The following IP6K2 variants were observed in gnomAD, a reference collection of about 807,000 sequenced individuals.
IP6K2 encodes the protein ATP:1D-myo-inositol-hexakisphosphate phosphotransferase.
Under a neutral mutation model 43.3 loss-of-function variants are expected in IP6K2, and 9 were observed. That is an observed-to-expected ratio of 0.21 (90% confidence interval 0.13 to 0.36). The LOEUF (loss-of-function observed/expected upper bound fraction) is 0.36. Ranked by LOEUF, IP6K2 falls within the 10% of genes least tolerant of loss-of-function variation. IP6K2 has a pLI of 1.00. For synonymous variants in IP6K2, 209 were observed against 202.4 expected (o/e 1.03, Z -0.28); for missense variants, 332 against 538.4 (o/e 0.62, Z 3.79).
At position 48,688,288 on chromosome 3, in the gene IP6K2, CTCACT is replaced by C. The variant is rs2077503477; in HGVS notation, c.1261_1265del (p.Ser421GlyfsTer49). 1.2e-6 allele frequency: 2 copies of C among 1,613,882 alleles called. No homozygotes were observed. Among genetic ancestry groups the C allele is most frequent in the Non-Finnish European group, 1.7e-6 (2 of 1,179,736 alleles). On this transcript the variant is annotated frameshift_variant, in exon 6 of 6. Transcript: ENST00000328631. LOFTEE classifies it high-confidence loss of function. This position sits in a 1 kb window ranked among gnomAD's most constrained non-coding sequence, Gnocchi z 5.1. ...GCTAGCAAGCTCACTCCCCACTCTC[CTCACT>C]TATCTCTGTGACAATGTCTATCAGG...
chr3:48,691,897 G>A (rs1372050701), intron 3 of IP6K2, among the ~76,000 whole-genome samples: 4 of 151,882 alleles, frequency 2.6e-5, no homozygotes, highest in African/African-American at 4.8e-5. Flanking sequence ...TATTGCCCAG[G>A]TGCAATGGTG....
chr3:48,699,859 G>C (rs769778827), intron 1 of IP6K2: 3 of 152,074 alleles, frequency 2.0e-5, no homozygotes, highest in Non-Finnish European at 2.9e-5. Flanking sequence ...GTTAGTGAGT[G>C]GTAACTAGTA....
chr3:48,698,308 T>A (rs930943273), intron 1 of IP6K2, among the ~76,000 whole-genome samples: 9 of 152,192 alleles, frequency 5.9e-5, no homozygotes, highest in African/African-American at 2.2e-4. Context: ...ACCATAATTA[T>A]GAATTGTTAA....
intron 1 of IP6K2, among the ~76,000 whole-genome samples, chr3:48,711,008 A>G (rs920353289): frequency 7.2e-5 from 11 of 152,094 alleles, no homozygotes; most frequent in African/African-American, 2.7e-4. Flanking sequence ...TCCTGGGTTC[A>G]AGTAATTCTC....
intron 4 of IP6K2, 96 bp from the exon 5 acceptor site, chr3:48,689,809 A>C: frequency 9.5e-7 from 1 of 1,048,272 alleles, no homozygotes; most frequent in Middle Eastern, 2.4e-4. Context: ...GACCCAGAGA[A>C]GCCTGAACCC....
Position 48,691,463 on chromosome 3 carries a change from ATTC to A in IP6K2, c.445_447del (p.Glu149del), listed in dbSNP as rs753889349. 3.7e-6 allele frequency: 6 copies of A among 1,610,636 alleles called. No homozygotes were observed. Among genetic ancestry groups the A allele is most frequent in the Admixed American group, 1.7e-5 (1 of 59,466 alleles). On this transcript the variant is annotated inframe_deletion, in exon 4 of 6. Transcript: ENST00000328631. Reference sequence around the variant, plus strand: ...ACTTCAGATTTCTTTAGCCACTCAAATTCTTCTTCTAACTTATGGCTATAAAGA... The same window carrying A: ...ACTTCAGATTTCTTTAGCCACTCAAATTCTTCTAACTTATGGCTATAAAGA...
At chr3:48,694,415 C>T in intron 2 of IP6K2, 2 of 1,546,700 alleles carry the variant, frequency 1.3e-6, no homozygotes, top group Non-Finnish European at 1.7e-6. Flanking sequence ...TTTATGTAAC[C>T]AGGTAATGCA....
chr3:48,715,198 AAG>A, intron 1 of IP6K2: 2 of 1,033,466 alleles, frequency 1.9e-6, no homozygotes, highest in Non-Finnish European at 2.9e-6. Context: ...TCTAATGTAT[AAG>A]AGTGTGTTCA....
rs199770977 is a variant in IP6K2 at position 48,688,708 on chromosome 3, C to G, written c.846G>C (p.Val282=). ...GGAAAAGTGCCTCCTTGAAGCCCTG[C>G]ACCGATAGCTTCCGTCCATGGTACT... The part of the protein sequence containing the change: ...MNKYHGRKLS[V]QGFKEALFQF... The change falls in exon 6 of 6, where the codon GTG becomes GTC. Residue 282 remains valine (V), a synonymous_variant. Coordinates refer to ENST00000328631, the MANE Select transcript of IP6K2 (RefSeq NM_016291.4). This position sits in a 1 kb window ranked among gnomAD's most constrained non-coding sequence, Gnocchi z 5.1. 8.7e-6 allele frequency: 14 copies of G among 1,614,064 alleles called. No homozygotes were observed. The highest frequency in any genetic ancestry group is 1.2e-5 in the Non-Finnish European group (14 of 1,180,016).
chr3:48,688,840 TG>T lies in IP6K2; in HGVS notation c.781-68del. The T allele has an allele frequency of 6.6e-7, 1 of 1,517,368 alleles. No homozygotes were observed. 94.0% of individuals were successfully genotyped at this position (1,517,368 alleles called of 1,614,324 possible). A position where few individuals can be genotyped will look rare whatever the true frequency, so the allele number is the denominator to read the frequency against. The stretch of plus-strand genomic sequence containing the variant: ...TCAAACCCTGGACCCCGGGCGGGGG[TG>T]GGGTGGTGTGGTGGTGGCGGCATGT... On this transcript the variant is annotated intron_variant, in intron 5 of 5. Coordinates refer to ENST00000328631, the MANE Select transcript of IP6K2 (RefSeq NM_016291.4). The surrounding 1 kb of genome is among the most constrained non-coding windows in gnomAD (Gnocchi z 5.1).
Position 48,688,849 on chromosome 3 carries a change from G to T in IP6K2, c.781-76C>A. The T allele has an allele frequency of 2.7e-6, 4 of 1,496,548 alleles. No homozygotes were observed. Among genetic ancestry groups the T allele is most frequent in the South Asian group, 2.6e-5 (2 of 77,916 alleles). 92.7% of individuals were successfully genotyped at this position (1,496,548 alleles called of 1,614,324 possible). A position where few individuals can be genotyped will look rare whatever the true frequency, so the allele number is the denominator to read the frequency against. On this transcript the variant is annotated intron_variant, in intron 5 of 5. Transcript: ENST00000328631. The surrounding 1 kb of genome is among the most constrained non-coding windows in gnomAD (Gnocchi z 5.1). Reference sequence around the variant, plus strand: ...GGACCCCGGGCGGGGGTGGGGTGGTGTGGTGGTGGCGGCATGTGACAGCCC... The same window carrying T: ...GGACCCCGGGCGGGGGTGGGGTGGTTTGGTGGTGGCGGCATGTGACAGCCC...
chr3:48,707,630 G>T (rs946424621), intron 1 of IP6K2, among the ~76,000 whole-genome samples: 4 of 152,024 alleles, frequency 2.6e-5, no homozygotes, highest in Admixed American at 6.6e-5. Context: ...TAAAGACAGC[G>T]TTTTTCCATG....
chr3:48,709,620 C>T (rs1253708609), intron 1 of IP6K2, among the ~76,000 whole-genome samples: 1 of 152,118 alleles, frequency 6.6e-6, no homozygotes, highest in African/African-American at 2.4e-5. Flanking sequence ...AGGCAGATCA[C>T]GAGGTCAGGA....
Position 48,691,332 on chromosome 3 carries a change from C to G in IP6K2, c.579G>C (p.Glu193Asp), listed in dbSNP as rs374761631. The change falls in exon 4 of 6, where the codon GAG becomes GAC. Residue 193 changes from glutamate (E) to aspartate (D), a missense_variant. Physicochemically the swap from Glu to Asp is conservative, Grantham distance 45. Coordinates refer to ENST00000328631, the MANE Select transcript of IP6K2 (RefSeq NM_016291.4). ...TGTACTGGTTCCGATGCTTTGCATT[C>G]TCCTTCATTCTCTGTAACTGTTGCT... ...CHQQQLQRMK[E>D]NAKHRNQYKF... is the part of the protein sequence containing the mutation. 2 of 1,613,774 alleles carry G rather than the reference C, an allele frequency of 1.2e-6. No individual in the cohort carries two copies. Among genetic ancestry groups the G allele is most frequent in the Non-Finnish European group, 1.7e-6 (2 of 1,179,856 alleles).
intron 1 of IP6K2, among the ~76,000 whole-genome samples, chr3:48,708,739 G>A: frequency 6.6e-6 from 1 of 152,186 alleles, no homozygotes; most frequent in East Asian, 1.9e-4. Flanking sequence ...AGGGATTTTT[G>A]CAATCCTTGA....
intron 2 of IP6K2, chr3:48,693,600 T>A: frequency 8.6e-7 from 1 of 1,161,054 alleles, no homozygotes. Flanking sequence ...AGAGCCTGAA[T>A]ACAGGGGGAA....
intron 1 of IP6K2, among the ~76,000 whole-genome samples, chr3:48,712,115 C>G (rs1273466675): frequency 6.6e-6 from 1 of 151,922 alleles, no homozygotes; most frequent in Non-Finnish European, 1.5e-5. Flanking sequence ...GGATCTTTGC[C>G]AAATGCAGTG....
At chr3:48,691,273 C>T (rs1187783930) in intron 4 of IP6K2, 34 bp downstream of exon 4, 7 of 1,567,230 alleles carry the variant, frequency 4.5e-6, no homozygotes, top group Non-Finnish European at 6.1e-6. Flanking sequence ...TCCTCTTACC[C>T]TCAAATGCAG....
At chr3:48,702,499 A>G (rs1017009293) in intron 1 of IP6K2, among the ~76,000 whole-genome samples, 14 of 149,772 alleles carry the variant, frequency 9.3e-5, no homozygotes, top group African/African-American at 3.2e-4. Context: ...CTAAAAGTGC[A>G]GTGGCGTAAT....
Sources: gnomAD v4.1 joint callset for allele counts (sites outside exome capture counted in the v4.1 genomes callset) on GRCh38, gnomAD v4.1.1 for gene constraint, Gnocchi (gnomAD v3.1) non-coding constraint, MANE v1.5 for transcripts, NCBI Gene and HGNC (gene_info 2026-07-23, HGNC 2026-07-21) for gene names.